The following PLXDC2 variants were observed in gnomAD, a reference collection of about 807,000 sequenced individuals.
PLXDC2 encodes the protein plexin domain-containing protein 2.
In PLXDC2, 40 loss-of-function variants were observed where a neutral mutation model predicts 68.9. That is an observed-to-expected ratio of 0.58 (90% CI 0.45 to 0.76). PLXDC2 has a LOEUF of 0.76. Ranked by LOEUF, PLXDC2 falls within the 30% of genes least tolerant of loss-of-function variation. The pLI, the probability that PLXDC2 is intolerant of heterozygous loss-of-function variation, is 0.00. For missense variants in PLXDC2, 644 were observed against 661.9 expected (o/e 0.97, Z 0.30); for synonymous variants, 243 against 234.2 (o/e 1.04, Z -0.34).
chr10:19,878,340 A>G (rs1837671661), intron 1 of PLXDC2, among the ~76,000 whole-genome samples: 1 of 152,102 alleles, frequency 6.6e-6, no homozygotes, highest in Admixed American at 6.6e-5. Context: ...TATCTGAACT[A>G]CAACCATGTA....
intron 11 of PLXDC2, 70 bp downstream of exon 11, chr10:20,217,646 C>G: frequency 7.1e-7 from 1 of 1,414,998 alleles, no homozygotes; most frequent in Non-Finnish European, 9.2e-7. Context: ...GGAAAAATCA[C>G]TGTGTTGACA....
chr10:19,916,331 T>TTTTTTTTTTTTTTTTTTTTTTTTTG (rs1335996100), intron 1 of PLXDC2, among the ~76,000 whole-genome samples: 3 of 150,348 alleles, frequency 2.0e-5, no homozygotes, highest in African/African-American at 7.3e-5. Flanking sequence ...TTTTTTTTAG[T>TTTTTTTTTTTTTTTTTTTTTTTTTG]AGAGATGGGG....
chr10:19,993,491 T>C (rs1216381205), intron 1 of PLXDC2, among the ~76,000 whole-genome samples: 3 of 152,138 alleles, frequency 2.0e-5, no homozygotes, highest in Non-Finnish European at 1.5e-5. Flanking sequence ...GCAATCTCGG[T>C]TCACTGCAAC....
At position 19,828,124 on chromosome 10, in the gene PLXDC2, A is replaced by T. The variant is rs558018993; in HGVS notation, c.112+10933A>T. Among the ~76,000 whole-genome samples the T allele has an allele frequency of 3.9e-5, 6 of 152,324 alleles. No homozygotes were observed. In the South Asian group the frequency reaches 1.2e-3, roughly 32 times the overall value. On this transcript the variant is annotated intron_variant, in intron 1 of 13. Coordinates refer to ENST00000377252, the MANE Select transcript of PLXDC2 (RefSeq NM_032812.9). ...TCAAATAACACATGGACATGATGAT[A>T]TTTTCGCAATGTGCCTCTTCGCATC...
chr10:19,993,776 T>C (rs1449117652), intron 1 of PLXDC2, among the ~76,000 whole-genome samples: 2 of 152,210 alleles, frequency 1.3e-5, no homozygotes, highest in African/African-American at 2.4e-5. Context: ...TCTGTTTCGT[T>C]TTATATATAT....
intron 13 of PLXDC2, among the ~76,000 whole-genome samples, chr10:20,271,103 G>A (rs1345781030): frequency 6.8e-6 from 1 of 147,658 alleles, no homozygotes. Flanking sequence ...TGATGAATCA[G>A]AAAAGGGGAC....
At chr10:20,088,329 T>G (rs781071083) in intron 4 of PLXDC2, among the ~76,000 whole-genome samples, 3 of 152,336 alleles carry the variant, frequency 2.0e-5, no homozygotes, top group Non-Finnish European at 4.4e-5. Flanking sequence ...AAATGAGAAT[T>G]TGTAGCCTTG....
At chr10:20,044,138 CTCTCTCTTTTTCCTT>C in intron 2 of PLXDC2, among the ~76,000 whole-genome samples, 2 of 24,184 alleles carry the variant, frequency 8.3e-5, no homozygotes, top group African/African-American at 9.2e-5. Context: ...CTCCCTCCCT[CTCTCTCTTTTTCCTT>C]CCTTCCTTCC....
chr10:20,008,290 TA>T (rs1395142615), intron 2 of PLXDC2, among the ~76,000 whole-genome samples: 2 of 152,104 alleles, frequency 1.3e-5, no homozygotes, highest in Admixed American at 6.6e-5. Context: ...CGTGGTGGCT[TA>T]CGCCTGTAAT....
chr10:20,218,079 A>G (rs1314884167), intron 11 of PLXDC2, among the ~76,000 whole-genome samples: 1 of 152,174 alleles, frequency 6.6e-6, no homozygotes, highest in African/African-American at 2.4e-5. Context: ...GTGTCATAGA[A>G]ATTGTCCTTG....
intron 1 of PLXDC2, among the ~76,000 whole-genome samples, chr10:19,835,326 C>T (rs1056514936): frequency 3.9e-5 from 6 of 152,056 alleles, no homozygotes; most frequent in African/African-American, 1.4e-4. Context: ...TAGAGATAGA[C>T]CAAATTCAGC....
chr10:20,268,839 G>C (rs748397436), intron 13 of PLXDC2, among the ~76,000 whole-genome samples: 2 of 152,118 alleles, frequency 1.3e-5, no homozygotes, highest in Non-Finnish European at 2.9e-5. Context: ...ACCAGGCAGC[G>C]GTGAACTGGC....
intron 9 of PLXDC2, among the ~76,000 whole-genome samples, chr10:20,177,637 G>A (rs1834545214): frequency 6.6e-6 from 1 of 151,896 alleles, no homozygotes; most frequent in Admixed American, 6.6e-5. Context: ...GGCATGGCAG[G>A]TGCGTGCCTG....
chr10:19,908,209 G>A (rs1403361415), intron 1 of PLXDC2, among the ~76,000 whole-genome samples: 2 of 151,942 alleles, frequency 1.3e-5, no homozygotes, highest in Middle Eastern at 3.2e-3. Context: ...TTTATTTTAA[G>A]TTTAAAAATC....
At chr10:20,159,877 C>T (rs1589658564) in intron 6 of PLXDC2, among the ~76,000 whole-genome samples, 1 of 152,192 alleles carries the variant, frequency 6.6e-6, no homozygotes, top group South Asian at 2.1e-4. Context: ...TGAAAAATCA[C>T]CTTCTCAGAG....
chr10:20,258,509 GT>G (rs1835771362), intron 13 of PLXDC2, among the ~76,000 whole-genome samples: 1 of 151,970 alleles, frequency 6.6e-6, no homozygotes, highest in South Asian at 2.1e-4. Flanking sequence ...GTTGGCATTT[GT>G]TCCATTTCTA....
At chr10:19,839,668 CAG>C (rs1836867608) in intron 1 of PLXDC2, among the ~76,000 whole-genome samples, 1 of 147,750 alleles carries the variant, frequency 6.8e-6, no homozygotes, top group Non-Finnish European at 1.5e-5. Context: ...AAATATGAAA[CAG>C]AGAATTCTTA....
At chr10:20,255,205 A>ATAGATAGG (rs1482141386) in intron 13 of PLXDC2, among the ~76,000 whole-genome samples, 1 of 151,696 alleles carries the variant, frequency 6.6e-6, no homozygotes, top group East Asian at 1.9e-4. Flanking sequence ...AGATAGATAG[A>ATAGATAGG]TAGATAGATA....
chr10:20,120,253 C>G (rs1833678194), intron 4 of PLXDC2, among the ~76,000 whole-genome samples: 1 of 152,178 alleles, frequency 6.6e-6, no homozygotes, highest in Non-Finnish European at 1.5e-5. Flanking sequence ...TATACAGGAG[C>G]TCAAATGGGC....
Sources: gnomAD v4.1 joint callset for allele counts (sites outside exome capture counted in the v4.1 genomes callset) on GRCh38, gnomAD v4.1.1 for gene constraint, MANE v1.5 for transcripts, NCBI Gene and HGNC (gene_info 2026-07-23, HGNC 2026-07-21) for gene names.